Variants in DAGLB observed in about 807,000 individuals in gnomAD.
DAGLB encodes the protein diacylglycerol lipase beta.
In DAGLB, 66 loss-of-function variants were observed where a neutral mutation model predicts 72.1. The observed-to-expected ratio is 0.92, with a 90% CI of 0.75 to 1.12. DAGLB has a LOEUF of 1.12. Among genes scored for constraint, DAGLB ranks in the 50% most tolerant of loss-of-function variants. DAGLB has a pLI of 0.00. For synonymous variants in DAGLB, 414 were observed against 359.5 expected (o/e 1.15, Z -1.71); for missense variants, 1,065 against 884.9 (o/e 1.20, Z -2.58).
At chr7:6,414,669 A>C (rs1783844510) in intron 11 of DAGLB, among the ~76,000 whole-genome samples, 1 of 151,732 alleles carries the variant, frequency 6.6e-6, no homozygotes, top group African/African-American at 2.4e-5. Flanking sequence ...AGCCTTTCCT[A>C]CCTCTTTCCA....
At chr7:6,429,949 C>T (rs1207961045) in intron 6 of DAGLB, among the ~76,000 whole-genome samples, 1 of 151,980 alleles carries the variant, frequency 6.6e-6, no homozygotes, top group Non-Finnish European at 1.5e-5. Context: ...GAGGCTGAGG[C>T]AGGAGAATGG....
intron 13 of DAGLB, chr7:6,412,577 C>CT (rs1783764610): frequency 1.8e-6 from 1 of 570,216 alleles, no homozygotes; most frequent in African/African-American, 1.9e-5. Flanking sequence ...TACACCACTG[C>CT]TCCCAGCCCA....
intron 11 of DAGLB, 187 bp downstream of exon 11, chr7:6,416,440 G>A: frequency 2.7e-6 from 2 of 750,350 alleles, no homozygotes; most frequent in South Asian, 5.9e-5. Flanking sequence ...CAACTCGGGA[G>A]GCTGAGGCAG....
intron 4 of DAGLB, among the ~76,000 whole-genome samples, chr7:6,433,875 A>G (rs1260314626): frequency 6.6e-6 from 1 of 151,690 alleles, no homozygotes; most frequent in Non-Finnish European, 1.5e-5. Context: ...AAAAGACAAT[A>G]TACTGGCCAC....
At chr7:6,437,284 C>G (rs12535659) in intron 2 of DAGLB, among the ~76,000 whole-genome samples, 15 of 151,904 alleles carry the variant, frequency 9.9e-5, no homozygotes, top group African/African-American at 3.4e-4. Flanking sequence ...GCCATGAAAA[C>G]AAGCTCCACG....
rs1018329113 is a variant in DAGLB at position 6,447,697 on chromosome 7, C to T, written c.95+51G>A. 3.8e-6 allele frequency: 6 copies of T among 1,581,688 alleles called. No homozygotes were observed. The Admixed American group carries it at 7.6e-5, about 20-fold the overall frequency. On this transcript the variant is annotated intron_variant, in intron 1 of 14. Transcript: ENST00000297056. ...TCACCGTCTCAAGGGACAGCTCGCC[C>T]CCCGCTCCCTCTCCGGTGGGCTCCA...
intron 11 of DAGLB, chr7:6,416,218 G>C (rs1265035189): frequency 6.3e-6 from 1 of 158,716 alleles, no homozygotes; most frequent in South Asian, 1.9e-4. Flanking sequence ...AGAAAGGCTA[G>C]ACAGACTTTC....
In DAGLB at chr7:6,434,234, T is replaced by C. The variant is rs1006676073; in HGVS notation, c.678+528A>G. 1.4e-4 allele frequency among the ~76,000 whole-genome samples: 13 copies of C among 92,536 alleles called. No homozygotes were observed. The East Asian group carries it at 9.8e-3, about 70-fold the overall frequency. The allele number at this position is 92,536 out of a possible 152,430, so 60.7% of individuals were successfully genotyped here. A position where few individuals can be genotyped will look rare whatever the true frequency, so the allele number is the denominator to read the frequency against. ...TCATATAAAAAGATGACACGCTGCA[T>C]GTGAAAAAAAAAAAACAAGCATTTT... On this transcript the variant is annotated intron_variant, in intron 4 of 14. Coordinates refer to ENST00000297056, the MANE Select transcript of DAGLB (RefSeq NM_139179.4).
In DAGLB at chr7:6,409,824, C is replaced by G; in HGVS notation, c.*13G>C. On this transcript the variant is annotated 3_prime_UTR_variant, in exon 15 of 15. Coordinates refer to ENST00000297056, the MANE Select transcript of DAGLB (RefSeq NM_139179.4). ...GAGTCCATCGTTCCTGGGACAGTTT[C>G]CAGTGGCCCTGGTCAGGCCACGTCC... 6.2e-7 allele frequency: 1 copy of G among 1,611,454 alleles called. No homozygotes were observed. Among genetic ancestry groups the G allele is most frequent in the Non-Finnish European group, 8.5e-7 (1 of 1,178,654 alleles).
rs1784025571 is a variant in DAGLB at position 6,419,138 on chromosome 7, C to T, written c.1219-2217G>A. On this transcript the variant is annotated intron_variant, in intron 9 of 14. Transcript: ENST00000297056. ...TCAGGTTCAAGCGATTCTCCTGCCT[C>T]AGCCACCTGAGTAGCTGGAATTACA... Among the ~76,000 whole-genome samples, 4 of 145,090 alleles carry T rather than the reference C, an allele frequency of 2.8e-5. No individual in the cohort carries two copies. In the South Asian group the frequency reaches 8.6e-4, roughly 31 times the overall value.
At chr7:6,438,209 G>T (rs1463632197) in intron 2 of DAGLB, among the ~76,000 whole-genome samples, 6 of 152,148 alleles carry the variant, frequency 3.9e-5, no homozygotes, top group South Asian at 4.2e-4. Flanking sequence ...GTAGTTGGGT[G>T]GGGGAGGAGG....
chr7:6,422,800 C>T (rs1321449300), intron 8 of DAGLB: 1 of 152,204 alleles, frequency 6.6e-6, no homozygotes, highest in African/African-American at 2.4e-5. Flanking sequence ...GAGACGGGAT[C>T]AACAGTACCC....
chr7:6,419,752 G>A (rs530537796), intron 9 of DAGLB, among the ~76,000 whole-genome samples: 3 of 152,200 alleles, frequency 2.0e-5, no homozygotes, highest in Non-Finnish European at 2.9e-5. Context: ...GGCCCCTGAC[G>A]GGTTTCTGGG....
intron 11 of DAGLB, 89 bp from the exon 12 acceptor site, chr7:6,413,123 T>C (rs1331642289): frequency 1.4e-6 from 2 of 1,404,554 alleles, no homozygotes; most frequent in Non-Finnish European, 2.0e-6. Context: ...CACTGAGGGG[T>C]TAGGTTCCCA....
Position 6,430,611 on chromosome 7 carries a change from CAAGAG to C in DAGLB, c.802-9_802-5del. ...ATTCTGCATCCAGATCAGCTTCCTACAAGAGAAGGACAAAAACTACTGTTTATTAA... is the reference window on the plus strand; with the variant it reads ...ATTCTGCATCCAGATCAGCTTCCTACAAGGACAAAAACTACTGTTTATTAA... On this transcript the variant is annotated splice_region_variant and splice_polypyrimidine_tract_variant and intron_variant, in intron 5 of 14. Transcript: ENST00000297056. The C allele has an allele frequency of 3.8e-6, 6 of 1,583,554 alleles. No individual in the cohort carries two copies. The highest frequency in any genetic ancestry group is 5.2e-6 in the Non-Finnish European group (6 of 1,160,886).
At position 6,416,034 on chromosome 7, in the gene DAGLB, G is replaced by A. The variant is rs192677116; in HGVS notation, c.1427+593C>T. Among the ~76,000 whole-genome samples the A allele has an allele frequency of 1.6e-3, 244 of 152,148 alleles. 2 individuals carry two copies. Among genetic ancestry groups the A allele is most frequent in the Non-Finnish European group, 1.7e-3 (117 of 67,984 alleles). On this transcript the variant is annotated intron_variant, in intron 11 of 14. Coordinates refer to ENST00000297056, the MANE Select transcript of DAGLB (RefSeq NM_139179.4). ...AACCGGACCCCTCTGCCAGGGCTGT[G>A]AGAATGGGGGAGGTTGTGCTTGCTT...
chr7:6,412,494 CTTG>C (rs1326957047), intron 13 of DAGLB: 3 of 325,064 alleles, frequency 9.2e-6, no homozygotes, highest in Non-Finnish European at 1.7e-5. Context: ...GAGACAGGGT[CTTG>C]TTGTGTTGCC....
intron 3 of DAGLB, among the ~76,000 whole-genome samples, 156 bp downstream of exon 3, chr7:6,436,206 G>C (rs182790091): frequency 2.2e-4 from 33 of 152,226 alleles, no homozygotes; most frequent in African/African-American, 7.0e-4. Flanking sequence ...TGGACAAACA[G>C]TGTCTCTAAA....
intron 4 of DAGLB, among the ~76,000 whole-genome samples, chr7:6,434,500 TA>T (rs1424139490): frequency 2.0e-5 from 3 of 152,162 alleles, no homozygotes; most frequent in Non-Finnish European, 4.4e-5. Context: ...CCTTACAGGC[TA>T]ATCCAGCATT....
Sources: gnomAD v4.1 joint callset for allele counts (sites outside exome capture counted in the v4.1 genomes callset) on GRCh38, gnomAD v4.1.1 for gene constraint, MANE v1.5 for transcripts, NCBI Gene and HGNC (gene_info 2026-07-23, HGNC 2026-07-21) for gene names.